Variants in SUB1 observed in about 807,000 individuals in gnomAD.
SUB1 encodes the protein SUB1 regulator of transcription.
A neutral mutation model predicts 16.9 loss-of-function variants in SUB1; 1 was observed. The ratio of observed to expected loss-of-function variants is 0.06; its 90% CI spans 0.02 to 0.28. The LOEUF is 0.28. Among genes scored for constraint, SUB1 ranks in the 10% least tolerant of loss-of-function variants. The pLI is 1.00. For synonymous variants in SUB1, 51 were observed against 46.9 expected, an observed-to-expected ratio of 1.09 and a Z score of -0.36; for missense variants, 84 against 145.2, an observed-to-expected ratio of 0.58 and a Z score of 2.16.
intron 4 of SUB1, among the ~76,000 whole-genome samples, chr5:32,600,450 T>A (rs933226370): frequency 2.0e-5 from 3 of 152,226 alleles, no homozygotes; most frequent in Admixed American, 6.5e-5. Flanking sequence ...CAAACCCTTA[T>A]TTATTCTCAT....
At chr5:32,594,338 A>G (rs1738902662) in intron 3 of SUB1, among the ~76,000 whole-genome samples, 1 of 152,246 alleles carries the variant, frequency 6.6e-6, no homozygotes, top group South Asian at 2.1e-4. Context: ...ATAATTATTT[A>G]GTACCTGTGT....
chr5:32,599,115 G>A (rs754540367), intron 4 of SUB1, 46 bp downstream of exon 4: 10 of 1,450,496 alleles, frequency 6.9e-6, no homozygotes, highest in East Asian at 4.6e-5. Context: ...AGGACTAAAC[G>A]ACAACTTTTC....
rs770765866 is a variant in SUB1 at position 32,588,494 on chromosome 5, A to G, written c.-1-18A>G. On this transcript the variant is annotated intron_variant, in intron 1 of 4. Transcript: ENST00000265073. ...AGAGTACCTTATTAATTATTTTTGT[A>G]ATGTATTTTTCTTTCAGGATGCCTA... 8.7e-6 allele frequency: 14 copies of G among 1,605,584 alleles called. No homozygotes were observed. The highest frequency in any genetic ancestry group is 4.4e-5 in the South Asian group (4 of 90,548).
In SUB1 at chr5:32,601,023, A is replaced by G; in HGVS notation, c.323A>G (p.Glu108Gly). Reference sequence around the variant, plus strand: ...GTTTTAGGTATTTCTTTAAATCCAGAACAATGGAGCCAGCTGAAGGAACAG... The same window carrying G: ...GTTTTAGGTATTTCTTTAAATCCAGGACAATGGAGCCAGCTGAAGGAACAG... Reference protein sequence around the residue: ...PGRKGISLNPEQWSQLKEQIS... With the variant: ...PGRKGISLNPGQWSQLKEQIS... Residue 108 changes from glutamate to glycine, a missense_variant, in exon 5 of 5, where the codon GAA becomes GGA. Glu to Gly is a moderately conservative substitution (Grantham distance 98). Transcript: ENST00000265073. The G allele has an allele frequency of 6.2e-7, 1 of 1,612,626 alleles. No individual in the cohort carries two copies.
At chr5:32,592,431 C>A (rs77960615) in intron 3 of SUB1, among the ~76,000 whole-genome samples, 77 of 152,242 alleles carry the variant, frequency 5.1e-4, no homozygotes, top group African/African-American at 1.7e-3. Flanking sequence ...AGAGAGGACT[C>A]GTATAGCTTT....
At position 32,602,159 on chromosome 5, in the gene SUB1, A is replaced by G. The variant is rs1739130255; in HGVS notation, c.*1075A>G. 4.5e-6 allele frequency: 2 copies of G among 447,270 alleles called. No homozygotes were observed. The highest frequency in any genetic ancestry group is 3.2e-5 in the South Asian group (2 of 62,706). The allele number at this position is 447,270 out of a possible 1,614,324, so 27.7% of individuals were successfully genotyped here. On this transcript the variant is annotated 3_prime_UTR_variant, in exon 5 of 5. Transcript: ENST00000265073. The stretch of plus-strand genomic sequence containing the variant: ...TTGATGATACTAAGTTTTAGCAGAC[A>G]CTAGTAAGTGGTTTGTATTTAACCA...
At chr5:32,596,343 T>C (rs1389284321) in intron 3 of SUB1, 3 of 152,242 alleles carry the variant, frequency 2.0e-5, no homozygotes, top group Non-Finnish European at 2.9e-5. Context: ...TTTAGGTTTC[T>C]GGTTTACCTT....
At chr5:32,590,023 A>G (rs767636361) in intron 2 of SUB1, among the ~76,000 whole-genome samples, 5 of 152,166 alleles carry the variant, frequency 3.3e-5, no homozygotes, top group Non-Finnish European at 7.4e-5. Context: ...TAATTTTAAA[A>G]TTTGCACCCT....
chr5:32,590,316 C>T (rs988332095), intron 2 of SUB1, among the ~76,000 whole-genome samples: 6 of 151,940 alleles, frequency 3.9e-5, no homozygotes, highest in Admixed American at 1.3e-4. Flanking sequence ...AATATTTATA[C>T]TATTCCATCA....
chr5:32,589,534 G>A (rs1446458971), intron 2 of SUB1, among the ~76,000 whole-genome samples: 1 of 152,142 alleles, frequency 6.6e-6, no homozygotes, highest in Non-Finnish European at 1.5e-5. Context: ...ACGCAGTAAA[G>A]CTAACTTGAA....
Position 32,593,780 on chromosome 5 carries a change from G to A in SUB1, c.195+2095G>A, listed in dbSNP as rs546026897. On this transcript the variant is annotated intron_variant, in intron 3 of 4. Transcript: ENST00000265073. Reference sequence around the variant, plus strand: ...CGAATCTCGGCTCACTGCAACCTCCGCCTCCTGGGTTCAAGAGATTCTCCT... The same window carrying A: ...CGAATCTCGGCTCACTGCAACCTCCACCTCCTGGGTTCAAGAGATTCTCCT... 4.0e-5 allele frequency among the ~76,000 whole-genome samples: 6 copies of A among 151,626 alleles called. No homozygotes were observed. In the South Asian group the frequency reaches 6.2e-4, roughly 16 times the overall value.
intron 3 of SUB1, among the ~76,000 whole-genome samples, chr5:32,592,593 G>A (rs1738856166): frequency 6.6e-6 from 1 of 152,136 alleles, no homozygotes; most frequent in African/African-American, 2.4e-5. Flanking sequence ...GAGGTGATAA[G>A]GGCTTAGATG....
At chr5:32,599,794 G>C (rs1739071942) in intron 4 of SUB1, among the ~76,000 whole-genome samples, 1 of 151,852 alleles carries the variant, frequency 6.6e-6, no homozygotes, top group Admixed American at 6.6e-5. Flanking sequence ...TCACGTACCA[G>C]AGTGGCCGAT....
chr5:32,596,348 T>C (rs1294787597), intron 3 of SUB1: 2 of 152,238 alleles, frequency 1.3e-5, no homozygotes, highest in African/African-American at 2.4e-5. Flanking sequence ...GTTTCTGGTT[T>C]ACCTTTTTAT....
rs190518348 is a variant in SUB1 at position 32,602,071 on chromosome 5, A to C, written c.*987A>C. 3.3e-6 allele frequency: 1 copy of C among 303,500 alleles called. No individual in the cohort carries two copies. The highest frequency in any genetic ancestry group is 2.2e-5 in the African/African-American group (1 of 45,546). The allele number at this position is 303,500 out of a possible 1,614,324, so 18.8% of individuals were successfully genotyped here. On this transcript the variant is annotated 3_prime_UTR_variant, in exon 5 of 5. Transcript: ENST00000265073. ...GGTTAGTTTGTAGGGAAAAGAGCAT[A>C]TGAGCACATGCTTGTGTATTTTGGC...
intron 2 of SUB1, among the ~76,000 whole-genome samples, chr5:32,589,919 T>C (rs1738774682): frequency 6.6e-6 from 1 of 152,062 alleles, no homozygotes; most frequent in Non-Finnish European, 1.5e-5. Context: ...TATGGGAGAT[T>C]GGAGAAGTTG....
chr5:32,596,289 C>CG (rs1738962157), intron 3 of SUB1: 1 of 152,172 alleles, frequency 6.6e-6, no homozygotes, highest in African/African-American at 2.4e-5. Flanking sequence ...AGGCTCTCCT[C>CG]GAAGGCCAAG....
Position 32,601,270 on chromosome 5 carries a change from T to C in SUB1, c.*186T>C, listed in dbSNP as rs900781001. On this transcript the variant is annotated 3_prime_UTR_variant, in exon 5 of 5. Transcript: ENST00000265073. ...ATTGAGTGAAGCTAATTGTCAACTT[T>C]ATTAAGGATTACTTTGTCTGCCCAC... The C allele has an allele frequency of 1.0e-4, 56 of 544,730 alleles. No homozygotes were observed. Among genetic ancestry groups the C allele is most frequent in the African/African-American group, 1.0e-3 (52 of 51,366 alleles). 33.7% of individuals were successfully genotyped at this position (544,730 alleles called of 1,614,324 possible).
At chr5:32,593,927 C>T (rs553847491) in intron 3 of SUB1, among the ~76,000 whole-genome samples, 38 of 152,222 alleles carry the variant, frequency 2.5e-4, no homozygotes, top group African/African-American at 8.7e-4. Context: ...CTCTTGACCT[C>T]GCCATCTGCC....
Sources: gnomAD v4.1 joint callset for allele counts (sites outside exome capture counted in the v4.1 genomes callset) on GRCh38, gnomAD v4.1.1 for gene constraint, MANE v1.5 for transcripts, NCBI Gene and HGNC (gene_info 2026-07-23, HGNC 2026-07-21) for gene names.